CSMD1: variants seen among roughly 807,000 people sequenced by gnomAD.
CSMD1 encodes CUB and sushi domain-containing protein 1.
Under a neutral mutation model 417.5 loss-of-function variants are expected in CSMD1, and 213 were observed. That is an observed-to-expected ratio of 0.51 (90% confidence interval 0.46 to 0.57). CSMD1 has a LOEUF of 0.57. Ranked by LOEUF, CSMD1 falls within the 20% of genes least tolerant of loss-of-function variation. CSMD1 has a pLI of 0.00. For missense variants in CSMD1, 6,923 were observed against 4,529.7 expected, an observed-to-expected ratio of 1.53 and a Z score of -15.17; for synonymous variants, 2,862 against 1,736.8, an observed-to-expected ratio of 1.65 and a Z score of -16.11.
intron 5 of CSMD1, among the ~76,000 whole-genome samples, chr8:3,952,958 C>G (rs1347637022): frequency 6.6e-6 from 1 of 151,932 alleles, no homozygotes; most frequent in African/African-American, 2.4e-5. Context: ...GAATACAAAA[C>G]AACCTTCCAG....
chr8:4,256,158 G>C (rs1803442094), intron 3 of CSMD1, among the ~76,000 whole-genome samples: 1 of 152,202 alleles, frequency 6.6e-6, no homozygotes, highest in African/African-American at 2.4e-5. Context: ...TAGCCTGCCA[G>C]AGCTTTTTAT....
chr8:3,116,445 A>G (rs1341466195), intron 42 of CSMD1, among the ~76,000 whole-genome samples: 6 of 152,326 alleles, frequency 3.9e-5, no homozygotes, highest in African/African-American at 1.2e-4. Context: ...TGTTAAAACC[A>G]TAATGACAAG....
chr8:3,244,439 C>G (rs919709632), intron 26 of CSMD1, among the ~76,000 whole-genome samples: 2 of 152,024 alleles, frequency 1.3e-5, no homozygotes, highest in Non-Finnish European at 2.9e-5. Context: ...TTTTTAATGG[C>G]CAGGTGGAGC....
chr8:4,015,206 G>C (rs180687350), intron 4 of CSMD1, among the ~76,000 whole-genome samples: 1 of 152,122 alleles, frequency 6.6e-6, no homozygotes, highest in South Asian at 2.1e-4. Context: ...TTGTCCTGAC[G>C]TGACAGATCA....
intron 1 of CSMD1, among the ~76,000 whole-genome samples, chr8:4,663,574 C>T (rs1044996149): frequency 1.3e-5 from 2 of 152,086 alleles, no homozygotes; most frequent in African/African-American, 4.8e-5. Context: ...AAGTGCATGA[C>T]AACTCTCCCT....
chr8:3,904,979 G>A (rs1175055792), intron 5 of CSMD1, among the ~76,000 whole-genome samples: 4 of 152,044 alleles, frequency 2.6e-5, no homozygotes, highest in Admixed American at 1.3e-4. Context: ...AGGTCAAAGA[G>A]GAAGAAGTAC....
chr8:4,846,189 A>G (rs773092792), intron 1 of CSMD1, among the ~76,000 whole-genome samples: 2 of 152,234 alleles, frequency 1.3e-5, no homozygotes, highest in African/African-American at 2.4e-5. Context: ...CCAAAGTACC[A>G]ACACATGTCC....
chr8:4,790,612 C>A (rs549094387), intron 1 of CSMD1, among the ~76,000 whole-genome samples: 41 of 152,226 alleles, frequency 2.7e-4, no homozygotes, highest in African/African-American at 9.4e-4. Context: ...TAAAACAGCA[C>A]GGTACTGGTA....
intron 10 of CSMD1, among the ~76,000 whole-genome samples, chr8:3,501,993 C>G (rs1796620853): frequency 6.6e-6 from 1 of 152,104 alleles, no homozygotes; most frequent in Non-Finnish European, 1.5e-5. Flanking sequence ...ATGGTACAGT[C>G]ACTTTGGAAG....
chr8:4,990,362 G>T (rs1811397361), intron 1 of CSMD1, among the ~76,000 whole-genome samples: 1 of 97,036 alleles, frequency 1.0e-5, no homozygotes, highest in African/African-American at 5.9e-5. Context: ...CATTTTAAGG[G>T]GTTCACATTT....
Position 4,004,723 on chromosome 8 carries a change from A to T in CSMD1, c.611-6613T>A, listed in dbSNP as rs185328985. The stretch of plus-strand genomic sequence containing the variant: ...AAAGTTGACCTGGATGAGATTGGTG[A>T]CTATTATTCTTTATTCTTTTTTTGT... On this transcript the variant is annotated intron_variant, in intron 4 of 69. Transcript: ENST00000635120. Among the ~76,000 whole-genome samples the T allele has an allele frequency of 9.2e-5, 14 of 152,090 alleles. No individual in the cohort carries two copies. In the East Asian group the frequency reaches 1.5e-3, roughly 17 times the overall value.
chr8:3,375,689 G>C (rs1810263104), intron 18 of CSMD1, among the ~76,000 whole-genome samples: 1 of 152,132 alleles, frequency 6.6e-6, no homozygotes, highest in South Asian at 2.1e-4. Context: ...GCATAGGAGA[G>C]ATTCCAATCC....
chr8:4,117,857 T>G (rs1193446307), intron 3 of CSMD1, among the ~76,000 whole-genome samples: 1 of 149,408 alleles, frequency 6.7e-6, no homozygotes, highest in Admixed American at 6.7e-5. Context: ...AGACAGAGAC[T>G]CAGGGCATGT....
At chr8:2,950,991 A>G in intron 66 of CSMD1, 123 bp downstream of exon 66, 1 of 892,978 alleles carries the variant, frequency 1.1e-6, no homozygotes, top group Non-Finnish European at 1.6e-6. Context: ...AATGAGTTAC[A>G]GTATATACAA....
At chr8:3,647,829 G>T (rs968940868) in intron 7 of CSMD1, among the ~76,000 whole-genome samples, 8 of 152,246 alleles carry the variant, frequency 5.3e-5, no homozygotes, top group African/African-American at 1.9e-4. Flanking sequence ...TAATGTTGGT[G>T]AATCTGAGAA....
At position 4,919,642 on chromosome 8, in the gene CSMD1, G is replaced by A. The variant is rs73508000; in HGVS notation, c.85+74690C>T. 5.5e-3 allele frequency among the ~76,000 whole-genome samples: 843 copies of A among 152,192 alleles called. 7 individuals carry two copies. The highest frequency in any genetic ancestry group is 0.019 in the African/African-American group (800 of 41,516). ...CCATAATATGAAAAGTTTTAATATC[G>A]ATACTCCAGTACATTGTACTACTAA... is the stretch of plus-strand genomic sequence containing the variant. On this transcript the variant is annotated intron_variant, in intron 1 of 69. Coordinates refer to ENST00000635120, the MANE Select transcript of CSMD1 (RefSeq NM_033225.6).
At chr8:3,921,661 CG>C (rs1809275316) in intron 5 of CSMD1, among the ~76,000 whole-genome samples, 1 of 151,972 alleles carries the variant, frequency 6.6e-6, no homozygotes. Flanking sequence ...GTTGTTCAGG[CG>C]TATGTTGCTT....
At chr8:4,337,074 G>A (rs1013029589) in intron 3 of CSMD1, among the ~76,000 whole-genome samples, 2 of 152,044 alleles carry the variant, frequency 1.3e-5, no homozygotes, top group Admixed American at 6.6e-5. Context: ...CTGTTTCACT[G>A]TCCCAGAGGG....
At chr8:3,420,836 T>A (rs1813442812) in intron 12 of CSMD1, among the ~76,000 whole-genome samples, 1 of 152,178 alleles carries the variant, frequency 6.6e-6, no homozygotes, top group Admixed American at 6.6e-5. Context: ...AGATGGTACT[T>A]GTTCACGCTC....
Sources: allele counts gnomAD v4.1 joint callset (sites outside exome capture counted in the v4.1 genomes callset), GRCh38; gene constraint gnomAD v4.1.1; transcripts MANE v1.5; gene names NCBI Gene and HGNC (gene_info 2026-07-23, HGNC 2026-07-21).